GRAP2: variants seen among roughly 807,000 people sequenced by gnomAD.
GRAP2 encodes the protein GRB2-related adapter protein 2.
GRAP2 carries 31 observed loss-of-function variants against 43.5 expected under a neutral mutation model. The observed-to-expected ratio is 0.71, with a 90% CI of 0.54 to 0.96. The LOEUF is 0.96. Among genes scored for constraint, GRAP2 ranks in the 40% least tolerant of loss-of-function variants. GRAP2 has a pLI of 0.00. For synonymous variants in GRAP2, 156 were observed against 164.8 expected (o/e 0.95, Z 0.41); for missense variants, 371 against 424.4 (o/e 0.87, Z 1.11).
chr22:39,917,526 T>A (rs2066612942), intron 1 of GRAP2, among the ~76,000 whole-genome samples: 1 of 152,256 alleles, frequency 6.6e-6, no homozygotes, highest in Non-Finnish European at 1.5e-5. Context: ...AGAGCTCTTG[T>A]ACAAAACCAC....
intron 3 of GRAP2, among the ~76,000 whole-genome samples, 183 bp downstream of exon 3, chr22:39,956,093 T>G (rs2067047120): frequency 6.6e-6 from 1 of 152,148 alleles, no homozygotes; most frequent in South Asian, 2.1e-4. Context: ...ACTTTGCATT[T>G]CATTTCATTC....
At chr22:39,947,904 AG>A (rs2145637808) in intron 2 of GRAP2, 1 of 152,396 alleles carries the variant, frequency 6.6e-6, no homozygotes, top group African/African-American at 2.4e-5. Context: ...GCCCTTCAAA[AG>A]GGCATTTGGG....
intron 2 of GRAP2, among the ~76,000 whole-genome samples, chr22:39,955,531 G>T (rs1295342147): frequency 6.6e-6 from 1 of 152,020 alleles, no homozygotes; most frequent in Non-Finnish European, 1.5e-5. Flanking sequence ...GGGATTCAGG[G>T]AAGTCCTTGA....
At chr22:39,918,146 G>A (rs1385390542) in intron 1 of GRAP2, among the ~76,000 whole-genome samples, 1 of 152,130 alleles carries the variant, frequency 6.6e-6, no homozygotes, top group Non-Finnish European at 1.5e-5. Flanking sequence ...TATAACTCAC[G>A]GGTTTTTCAC....
intron 1 of GRAP2, among the ~76,000 whole-genome samples, chr22:39,906,607 C>A (rs1256041336): frequency 6.6e-6 from 1 of 152,100 alleles, no homozygotes; most frequent in Non-Finnish European, 1.5e-5. Context: ...CAGTCATTGC[C>A]AAATTGGTTC....
At chr22:39,954,538 G>T (rs922958128) in intron 2 of GRAP2, among the ~76,000 whole-genome samples, 2 of 152,148 alleles carry the variant, frequency 1.3e-5, no homozygotes, top group African/African-American at 4.8e-5. Flanking sequence ...GGGATTACAG[G>T]CATGTGCCAC....
intron 1 of GRAP2, among the ~76,000 whole-genome samples, chr22:39,930,988 C>G (rs1422391013): frequency 6.6e-6 from 1 of 152,186 alleles, no homozygotes; most frequent in African/African-American, 2.4e-5. Context: ...CCTTTGGGTT[C>G]CTGAACCACT....
At chr22:39,951,088 A>G (rs1440661861) in intron 2 of GRAP2, among the ~76,000 whole-genome samples, 2 of 152,294 alleles carry the variant, frequency 1.3e-5, no homozygotes, top group East Asian at 3.9e-4. Context: ...TCCATATTTC[A>G]TGCACCTAAG....
chr22:39,961,180 C>T (rs1483542666), intron 4 of GRAP2, among the ~76,000 whole-genome samples: 2 of 152,108 alleles, frequency 1.3e-5, no homozygotes, highest in African/African-American at 2.4e-5. Flanking sequence ...TCTCAAACTC[C>T]TGGCCTCGAG....
intron 1 of GRAP2, among the ~76,000 whole-genome samples, chr22:39,907,918 C>A (rs2145570885): frequency 6.6e-6 from 1 of 152,282 alleles, no homozygotes; most frequent in Admixed American, 6.5e-5. Flanking sequence ...GGACGTAGCA[C>A]CAAGCCTGTC....
intron 2 of GRAP2, among the ~76,000 whole-genome samples, chr22:39,953,977 C>T (rs1007623057): frequency 4.6e-5 from 7 of 152,146 alleles, no homozygotes; most frequent in African/African-American, 1.7e-4. Context: ...AAGGGCTCCC[C>T]CTACATTTCA....
chr22:39,948,081 G>A lies in GRAP2; in HGVS notation c.78+897G>A, dbSNP rs537518078. 4 of 145,646 alleles carry A rather than the reference G, an allele frequency of 2.7e-5. No homozygotes were observed. In the East Asian group the frequency reaches 6.2e-4, roughly 22 times the overall value. 9.0% of individuals were successfully genotyped at this position (145,646 alleles called of 1,614,324 possible). A position where few individuals can be genotyped will look rare whatever the true frequency, so the allele number is the denominator to read the frequency against. On this transcript the variant is annotated intron_variant, in intron 2 of 7. Transcript: ENST00000344138. ...GCCCAGCAACACTGAGGCCATTAGT[G>A]TCTCACCACCGAGAATTAGGTTTGT...
At chr22:39,956,636 C>CTTTTTTTTTTTTTTTTTTTTTT (rs1601732092) in intron 3 of GRAP2, among the ~76,000 whole-genome samples, 2 of 151,050 alleles carry the variant, frequency 1.3e-5, no homozygotes, top group East Asian at 4.1e-4. Context: ...ACCCAGCTAA[C>CTTTTTTTTTTTTTTTTTTTTTT]TTTTGTATTT....
At chr22:39,950,460 C>T (rs2066970258) in intron 2 of GRAP2, among the ~76,000 whole-genome samples, 1 of 152,196 alleles carries the variant, frequency 6.6e-6, no homozygotes, top group African/African-American at 2.4e-5. Flanking sequence ...AGGGCAGGGG[C>T]TGTTTCTGCC....
chr22:39,929,073 T>G (rs927359058), intron 1 of GRAP2, among the ~76,000 whole-genome samples: 6 of 152,204 alleles, frequency 3.9e-5, no homozygotes, highest in African/African-American at 1.4e-4. Context: ...GATTTTTATG[T>G]TTTTTACTAA....
chr22:39,895,943 T>G, the GRAP2 span, among the ~76,000 whole-genome samples: 4 of 152,170 alleles, frequency 2.6e-5, no homozygotes, highest in Non-Finnish European at 2.9e-5. Context: ...CAGAGATATT[T>G]AACTAGGAAG....
At chr22:39,902,409 C>A (rs917038713) in intron 1 of GRAP2, among the ~76,000 whole-genome samples, 3 of 152,142 alleles carry the variant, frequency 2.0e-5, no homozygotes, top group Non-Finnish European at 4.4e-5. Context: ...TATAGTGATT[C>A]TCTTTACAAA....
chr22:39,967,266 G>C (rs2067184146), intron 5 of GRAP2, among the ~76,000 whole-genome samples: 1 of 152,148 alleles, frequency 6.6e-6, no homozygotes. Context: ...CAGAAGTTCA[G>C]AAAGGAAAAC....
intron 1 of GRAP2, among the ~76,000 whole-genome samples, chr22:39,936,761 A>G (rs2066810963): frequency 6.6e-6 from 1 of 152,178 alleles, no homozygotes; most frequent in South Asian, 2.1e-4. Flanking sequence ...GACAGTTTGT[A>G]AGTCTATTAG....
Sources: gnomAD v4.1 joint callset for allele counts (sites outside exome capture counted in the v4.1 genomes callset) on GRCh38, gnomAD v4.1.1 for gene constraint, MANE v1.5 for transcripts, NCBI Gene and HGNC (gene_info 2026-07-23, HGNC 2026-07-21) for gene names.